Variants in SON observed in about 807,000 individuals in gnomAD.
SON encodes protein SON.
A neutral mutation model predicts 173.3 loss-of-function variants in SON; 4 were observed. The ratio of observed to expected loss-of-function variants is 0.02; its 90% confidence interval spans 0.01 to 0.05. The LOEUF is 0.05. SON is among the 10% of genes least tolerant of loss of function. The pLI is 1.00. For missense variants in SON, 2,626 were observed against 3,055.3 expected, an observed-to-expected ratio of 0.86 and a Z score of 3.31; for synonymous variants, 1,190 against 1,105.9, an observed-to-expected ratio of 1.08 and a Z score of -1.51.
Position 33,559,429 on chromosome 21 carries a change from T to TA in SON, c.6468+56dup. ...AAACAGTGTAACTTGTGGAACTATT[T>TA]AAATAAAACCCAAATCGAATTTAGT... On this transcript the variant is annotated intron_variant, in intron 5 of 11. Transcript: ENST00000356577. This position sits in a 1 kb window ranked among gnomAD's most constrained non-coding sequence, Gnocchi z 4.1. 6.5e-7 allele frequency: 1 copy of TA among 1,536,446 alleles called. No homozygotes were observed. The highest frequency in any genetic ancestry group is 2.3e-5 in the East Asian group (1 of 44,180).
In SON at chr21:33,547,705, CT is replaced by C. The variant is rs928851742; in HGVS notation, c.244+1353del. ...GTGTTGATTTATTTTCTTCTGTAGT[CT>C]TTTTTTTTTTTTTTTTTTTTTTTTT... is the stretch of plus-strand genomic sequence containing the variant. On this transcript the variant is annotated intron_variant, in intron 2 of 11. Transcript: ENST00000356577. 6.7e-3 allele frequency among the ~76,000 whole-genome samples: 477 copies of C among 70,996 alleles called. 1 individual carries two copies. Among genetic ancestry groups the C allele is most frequent in the East Asian group, 0.047 (93 of 1,968 alleles). The allele number at this position is 70,996 out of a possible 152,430, so 46.6% of individuals were successfully genotyped here. A position where few individuals can be genotyped will look rare whatever the true frequency, so the allele number is the denominator to read the frequency against.
intron 7 of SON, chr21:33,567,533 A>G (rs931957251): frequency 9.7e-6 from 4 of 413,488 alleles, no homozygotes; most frequent in African/African-American, 2.0e-5. Flanking sequence ...AGAGTTTACA[A>G]TCTGGTGTAT....
At position 33,551,921 on chromosome 21, in the gene SON, C is replaced by T; in HGVS notation, c.2690C>T (p.Ala897Val). The T allele has an allele frequency of 2.5e-6, 4 of 1,614,088 alleles. No individual in the cohort carries two copies. Among genetic ancestry groups the T allele is most frequent in the Non-Finnish European group, 3.4e-6 (4 of 1,179,994 alleles). Reference sequence around the variant, plus strand: ...GGTACCATGGATGCCCAGATGTTAGCGTCTAGTACCCAAGATTCTGCTATG... The same window carrying T: ...GGTACCATGGATGCCCAGATGTTAGTGTCTAGTACCCAAGATTCTGCTATG... ...ASGTMDAQML[A>V]SSTQDSAMLG... is the part of the protein sequence containing the mutation. Residue 897 changes from alanine to valine, a missense_variant, in exon 3 of 12, where the codon GCG becomes GTG. Physicochemically the swap from Ala to Val is moderately conservative, Grantham distance 64 (BLOSUM62 0). Coordinates refer to ENST00000356577, the MANE Select transcript of SON (RefSeq NM_138927.4).
At position 33,551,453 on chromosome 21, in the gene SON, T is replaced by C. The variant is rs1385038117; in HGVS notation, c.2222T>C (p.Met741Thr). ...MDSQMLASNT[M>T]DSQMLASNTM... ...TCCCAAATGCTAGCGTCCAACACCA[T>C]GGACTCCCAGATGCTAGCATCCAAC... Residue 741 changes from methionine to threonine, a missense_variant, in exon 3 of 12, where the codon ATG (methionine) becomes ACG (threonine). This residue lies in a region of SON where 182 missense variants were observed against 193.6 expected (regional missense o/e 0.94). Coordinates refer to ENST00000356577, the MANE Select transcript of SON (RefSeq NM_138927.4). The C allele has an allele frequency of 5.0e-6, 8 of 1,613,998 alleles. No individual in the cohort carries two copies. The East Asian group carries it at 6.7e-5, about 13-fold the overall frequency.
chr21:33,559,958 T>C lies in SON; in HGVS notation c.6657+183T>C. 6.2e-7 allele frequency: 1 copy of C among 1,614,080 alleles called. No homozygotes were observed. Among genetic ancestry groups the C allele is most frequent in the Non-Finnish European group, 8.5e-7 (1 of 1,179,950 alleles). ...TCATTTGACAGTAACTCGATGCAAT[T>C]CACTTTGTGGAACCAAGCCACAAAG... On this transcript the variant is annotated intron_variant, in intron 6 of 11. Coordinates refer to ENST00000356577, the MANE Select transcript of SON (RefSeq NM_138927.4). This position sits in a 1 kb window ranked among gnomAD's most constrained non-coding sequence, Gnocchi z 4.1.
Position 33,568,956 on chromosome 21 carries a change from ACTT to A in SON, c.6769-11_6769-9del, listed in dbSNP as rs2086228209. 3 of 1,506,862 alleles carry A rather than the reference ACTT, an allele frequency of 2.0e-6. No individual in the cohort carries two copies. The highest frequency in any genetic ancestry group is 2.8e-5 in the African/African-American group (2 of 72,630). 93.3% of individuals were successfully genotyped at this position (1,506,862 alleles called of 1,614,324 possible). On this transcript the variant is annotated splice_polypyrimidine_tract_variant and intron_variant, in intron 7 of 11. Transcript: ENST00000356577. ...TAATTTTACTTAGTTAACTGAGACTACTTCTTTTCTTCAGATTGATGCCTGGGC... is the reference window on the plus strand; with the variant it reads ...TAATTTTACTTAGTTAACTGAGACTACTTTTCTTCAGATTGATGCCTGGGC...
Position 33,550,051 on chromosome 21 carries a change from T to A in SON, c.820T>A (p.Ser274Thr), listed in dbSNP as rs2085724361. 1 of 1,614,010 alleles carries A rather than the reference T, an allele frequency of 6.2e-7. No individual in the cohort carries two copies. The highest frequency in any genetic ancestry group is 1.3e-5 in the African/African-American group (1 of 74,926). The change falls in exon 3 of 12, where the codon TCT (serine) becomes ACT (threonine). Residue 274 changes from serine (S) to threonine (T), a missense_variant. By Grantham distance (58) the Ser-to-Thr change is moderately conservative (BLOSUM62 1). Coordinates refer to ENST00000356577, the MANE Select transcript of SON (RefSeq NM_138927.4). Reference sequence around the variant, plus strand: ...AATGTCAGTGGAGTATCAGATGAAGTCTGTGCTGAAATCTGTGGAGAGCAC... The same window carrying A: ...AATGTCAGTGGAGTATCAGATGAAGACTGTGCTGAAATCTGTGGAGAGCAC... ...VTMSVEYQMKSVLKSVESTSP... is the reference protein window; with the variant it reads ...VTMSVEYQMKTVLKSVESTSP...
In SON at chr21:33,543,049, C is replaced by T. The variant is rs2085493260; in HGVS notation, c.-44C>T. 2 of 1,590,136 alleles carry T rather than the reference C, an allele frequency of 1.3e-6. No homozygotes were observed. Among genetic ancestry groups the T allele is most frequent in the East Asian group, 2.2e-5 (1 of 44,784 alleles). Reference sequence around the variant, plus strand: ...CCTCCTCCCGAGGCATGCTGGGAGCCTGGAGGACTAGCGAGGAGGAGTTGA... The same window carrying T: ...CCTCCTCCCGAGGCATGCTGGGAGCTTGGAGGACTAGCGAGGAGGAGTTGA... On this transcript the variant is annotated 5_prime_UTR_variant, in exon 1 of 12. Transcript: ENST00000356577.
intron 1 of SON, among the ~76,000 whole-genome samples, chr21:33,545,715 G>A (rs1289359105): frequency 6.6e-6 from 1 of 152,170 alleles, no homozygotes; most frequent in African/African-American, 2.4e-5. Context: ...TGTAAGCCTG[G>A]ACAGAGGTTA....
At chr21:33,555,432 G>T in intron 3 of SON, 41 bp downstream of exon 3, 1 of 1,453,220 alleles carries the variant, frequency 6.9e-7, no homozygotes, top group Non-Finnish European at 9.1e-7. Flanking sequence ...AGTAGAAAAT[G>T]TTTTAAACCT....
Position 33,553,077 on chromosome 21 carries a change from T to G in SON, c.3846T>G (p.Thr1282=). 1 of 1,613,782 alleles carries G rather than the reference T, an allele frequency of 6.2e-7. No homozygotes were observed. Among genetic ancestry groups the G allele is most frequent in the Non-Finnish European group, 8.5e-7 (1 of 1,179,668 alleles). Reference sequence around the variant, plus strand: ...AAGTTGTTCCAGAGAGACCAGTGACTTGTATGGTATCTGAAACTCCCGCCA... The same window carrying G: ...AAGTTGTTCCAGAGAGACCAGTGACGTGTATGGTATCTGAAACTCCCGCCA... ...EHEVVPERPV[T]CMVSETPAMS... is the part of the protein sequence containing the mutation. The change falls in exon 3 of 12, where the codon ACT becomes ACG. Residue 1282 remains threonine (T), a synonymous_variant. Transcript: ENST00000356577.
chr21:33,563,791 C>G (rs1038070540), intron 6 of SON, among the ~76,000 whole-genome samples: 22 of 152,080 alleles, frequency 1.4e-4, no homozygotes, highest in South Asian at 2.1e-4. Flanking sequence ...TATATGGTGC[C>G]AGTTGCATTA....
chr21:33,576,665 AC>A lies in SON; in HGVS notation c.*242del. 2 of 612,868 alleles carry A rather than the reference AC, an allele frequency of 3.3e-6. No homozygotes were observed. The highest frequency in any genetic ancestry group is 6.0e-5 in the East Asian group (2 of 33,494). 38.0% of individuals were successfully genotyped at this position (612,868 alleles called of 1,614,324 possible). On this transcript the variant is annotated 3_prime_UTR_variant, in exon 12 of 12. Coordinates refer to ENST00000356577, the MANE Select transcript of SON (RefSeq NM_138927.4). ...TGTTGTAAATATTTGGCAATTTAAG[AC>A]ATTGTGTAAAAAGCAATCTGTAAAA...
chr21:33,562,773 AGTCCTCAGGGGCATTAATTCTTG>A (rs1450912342), intron 6 of SON, among the ~76,000 whole-genome samples: 1 of 152,220 alleles, frequency 6.6e-6, no homozygotes, highest in Non-Finnish European at 1.5e-5. Context: ...TTTTAAAAAT[AGTCCTCAGGGGCATTAATTCTTG>A]GTAATAAAGT....
At chr21:33,557,728 C>T (rs1310095143) in intron 4 of SON, 8 of 1,415,840 alleles carry the variant, frequency 5.7e-6, no homozygotes, top group South Asian at 3.1e-5. Flanking sequence ...CTTTTGCCAC[C>T]GGAGCTTGGA....
chr21:33,554,236 C>G lies in SON; in HGVS notation c.5005C>G (p.Pro1669Ala). 4 of 1,613,966 alleles carry G rather than the reference C, an allele frequency of 2.5e-6. No homozygotes were observed. Among genetic ancestry groups the G allele is most frequent in the Non-Finnish European group, 3.4e-6 (4 of 1,179,856 alleles). The change falls in exon 3 of 12, where the codon CCA becomes GCA. Residue 1669 changes from proline (P) to alanine (A), a missense_variant. Physicochemically the swap from Pro to Ala is conservative, Grantham distance 27. Coordinates refer to ENST00000356577, the MANE Select transcript of SON (RefSeq NM_138927.4). The stretch of plus-strand genomic sequence containing the variant: ...TGCTAAAGATATTCATCTTGATTTA[C>G]CATCTAATAATAACCTTGTTAGTAA... ...LPAKDIHLDL[P>A]SNNNLVSKDT...
chr21:33,569,171 C>A, intron 8 of SON, 84 bp downstream of exon 8: 2 of 771,202 alleles, frequency 2.6e-6, no homozygotes, highest in Admixed American at 2.1e-5. Context: ...CATGAAAAGA[C>A]CAGTGACTCT....
Position 33,553,624 on chromosome 21 carries a change from G to A in SON, c.4393G>A (p.Val1465Met). The change falls in exon 3 of 12, where the codon GTG becomes ATG. Residue 1465 changes from valine (V) to methionine (M), a missense_variant. Transcript: ENST00000356577. ...SEQTQVIPTE[V>M]AIESTPMILE... The stretch of plus-strand genomic sequence containing the variant: ...GCAGACTCAAGTAATACCAACTGAG[G>A]TGGCTATAGAGTCCACACCAATGAT... The A allele has an allele frequency of 1.2e-6, 2 of 1,613,892 alleles. No individual in the cohort carries two copies. Among genetic ancestry groups the A allele is most frequent in the South Asian group, 1.1e-5 (1 of 91,078 alleles).
chr21:33,560,238 C>T (rs974764142), intron 6 of SON: 38 of 1,506,428 alleles, frequency 2.5e-5, no homozygotes, highest in Non-Finnish European at 3.2e-5. Context: ...ATCTTGGGTA[C>T]ATAGCCCATT....
Sources: gnomAD v4.1 joint callset for allele counts (sites outside exome capture counted in the v4.1 genomes callset) on GRCh38, gnomAD v4.1.1 for gene constraint, gnomAD v4.1.1 regional missense constraint, Gnocchi (gnomAD v3.1) non-coding constraint, MANE v1.5 for transcripts, NCBI Gene and HGNC (gene_info 2026-07-23, HGNC 2026-07-21) for gene names.